Variants in TLN2 observed in about 807,000 individuals in gnomAD.
TLN2 encodes talin 2.
A neutral mutation model predicts 294.7 loss-of-function variants in TLN2; 118 were observed. That is an observed-to-expected ratio of 0.40 (90% CI 0.34 to 0.47). The LOEUF (loss-of-function observed/expected upper bound fraction) is 0.47, where lower values mean the gene tolerates loss of function less well. TLN2 is among the 20% of genes least tolerant of loss of function. TLN2 has a pLI of 0.84. For synonymous variants in TLN2, 1,431 were observed against 1,304.5 expected (o/e 1.10, Z -2.09); for missense variants, 3,083 against 3,282.2 (o/e 0.94, Z 1.48).
At chr15:62,829,015 C>G (rs1033919523) in intron 54 of TLN2, 4 of 152,052 alleles carry the variant, frequency 2.6e-5, no homozygotes, top group Non-Finnish European at 5.9e-5. Flanking sequence ...CCACCCCAGA[C>G]CTACCAAAAC....
At chr15:62,391,879 C>G (rs1422211377) in intron 1 of TLN2, among the ~76,000 whole-genome samples, 1 of 152,262 alleles carries the variant, frequency 6.6e-6, no homozygotes, top group Non-Finnish European at 1.5e-5. Context: ...CCCGGGTGCT[C>G]AGCCGGAGCC....
chr15:62,743,832 G>A (rs1440053824), intron 32 of TLN2, among the ~76,000 whole-genome samples: 1 of 152,154 alleles, frequency 6.6e-6, no homozygotes, highest in East Asian at 1.9e-4. Context: ...ACAGCGGCCA[G>A]CATCACACCC....
At chr15:62,729,352 A>T (rs1476737090) in intron 28 of TLN2, among the ~76,000 whole-genome samples, 2 of 152,216 alleles carry the variant, frequency 1.3e-5, no homozygotes, top group African/African-American at 4.8e-5. Context: ...TAAATTCTAA[A>T]TCAGCTTGTC....
intron 1 of TLN2, among the ~76,000 whole-genome samples, chr15:62,528,875 A>G (rs1418468278): frequency 6.6e-6 from 1 of 151,946 alleles, no homozygotes; most frequent in East Asian, 1.9e-4. Context: ...TACTTTCTGT[A>G]CTTCACACAC....
chr15:62,413,701 C>A (rs2033912090), intron 1 of TLN2, among the ~76,000 whole-genome samples: 1 of 152,190 alleles, frequency 6.6e-6, no homozygotes, highest in Non-Finnish European at 1.5e-5. Context: ...TGAAACTTTA[C>A]AGCGATTCTT....
chr15:62,648,536 A>G (rs1047596255), intron 4 of TLN2, among the ~76,000 whole-genome samples: 9 of 142,828 alleles, frequency 6.3e-5, no homozygotes, highest in Non-Finnish European at 1.1e-4. Flanking sequence ...CGTGATGATG[A>G]TGATGACGAT....
chr15:62,787,520 T>C (rs1183327755), intron 45 of TLN2, among the ~76,000 whole-genome samples: 2 of 152,104 alleles, frequency 1.3e-5, no homozygotes, highest in South Asian at 2.1e-4. Context: ...TTTTCTTGAG[T>C]CTCAAGTAAC....
chr15:62,590,379 C>T (rs1032771987), intron 2 of TLN2, among the ~76,000 whole-genome samples: 1 of 152,168 alleles, frequency 6.6e-6, no homozygotes, highest in African/African-American at 2.4e-5. Flanking sequence ...CGTGTGTTCT[C>T]ATCATTTAGC....
At chr15:62,467,278 A>T (rs1028276340) in intron 1 of TLN2, among the ~76,000 whole-genome samples, 6 of 152,138 alleles carry the variant, frequency 3.9e-5, no homozygotes, top group African/African-American at 1.4e-4. Flanking sequence ...GAGAGACAAA[A>T]TTTTTGCTTC....
At chr15:62,704,306 C>G (rs1011198737) in intron 19 of TLN2, among the ~76,000 whole-genome samples, 1 of 152,120 alleles carries the variant, frequency 6.6e-6, no homozygotes, top group Non-Finnish European at 1.5e-5. Flanking sequence ...GCATTTTTGA[C>G]TTCATCTGTT....
At chr15:62,467,713 T>C (rs2037223367) in intron 1 of TLN2, among the ~76,000 whole-genome samples, 1 of 152,034 alleles carries the variant, frequency 6.6e-6, no homozygotes, top group South Asian at 2.1e-4. Context: ...AAAAAAAGCA[T>C]GCACATATTG....
At chr15:62,607,829 C>T (rs1342599106) in intron 2 of TLN2, among the ~76,000 whole-genome samples, 1 of 152,116 alleles carries the variant, frequency 6.6e-6, no homozygotes, top group Non-Finnish European at 1.5e-5. Flanking sequence ...GGGGAGTGCA[C>T]CCACACATTA....
In TLN2 at chr15:62,703,360, A is replaced by G. The variant is rs1595721539; in HGVS notation, c.2004+496A>G. The stretch of plus-strand genomic sequence containing the variant: ...CGTGATCTGCCCGTCTCGGCCTCCC[A>G]AAGTGCTGGGATTACAGGCGTGAGC... On this transcript the variant is annotated intron_variant, in intron 19 of 58. Coordinates refer to ENST00000636159, the MANE Select transcript of TLN2 (RefSeq NM_015059.3). Among the ~76,000 whole-genome samples, 8 of 152,104 alleles carry G rather than the reference A, an allele frequency of 5.3e-5. 1 individual carries two copies. Among genetic ancestry groups the G allele is most frequent in the Admixed American group, 5.2e-4 (8 of 15,290 alleles).
At chr15:62,421,886 AAGTG>A (rs2034422270) in intron 1 of TLN2, among the ~76,000 whole-genome samples, 3 of 152,304 alleles carry the variant, frequency 2.0e-5, no homozygotes, top group Admixed American at 6.5e-5. Context: ...CAAGAAAAAA[AAGTG>A]AGTGTTGCTG....
chr15:62,463,011 G>A (rs1220078381), intron 1 of TLN2, among the ~76,000 whole-genome samples: 3 of 152,162 alleles, frequency 2.0e-5, no homozygotes, highest in Non-Finnish European at 2.9e-5. Context: ...GATGGCCGTG[G>A]CCACGGGGGT....
At chr15:62,791,495 C>T (rs749743400) in intron 45 of TLN2, among the ~76,000 whole-genome samples, 2 of 152,150 alleles carry the variant, frequency 1.3e-5, no homozygotes, top group Non-Finnish European at 1.5e-5. Flanking sequence ...TCCCTAAAAA[C>T]AGTGTTTCAA....
At chr15:62,703,680 C>T (rs145804959) in intron 19 of TLN2, among the ~76,000 whole-genome samples, 246 of 152,096 alleles carry the variant, frequency 1.6e-3, no homozygotes, top group African/African-American at 5.8e-3. Context: ...TTCCTTTGTA[C>T]TCAGAGGTGG....
intron 19 of TLN2, among the ~76,000 whole-genome samples, chr15:62,704,142 ATTAT>A (rs1158514040): frequency 2.0e-5 from 3 of 152,190 alleles, no homozygotes; most frequent in South Asian, 4.1e-4. Flanking sequence ...TGTTTTTTGA[ATTAT>A]TTATTTATAT....
intron 39 of TLN2, chr15:62,763,224 T>G: frequency 9.5e-6 from 1 of 105,754 alleles, no homozygotes; most frequent in Non-Finnish European, 1.9e-5. Context: ...TTTTTTTTTC[T>G]TTTTTTTTTT....
Sources: allele counts gnomAD v4.1 joint callset (sites outside exome capture counted in the v4.1 genomes callset), GRCh38; gene constraint gnomAD v4.1.1; transcripts MANE v1.5; gene names NCBI Gene and HGNC (gene_info 2026-07-23, HGNC 2026-07-21).